Variants in ADGRA3 observed in about 807,000 individuals in gnomAD.
The protein encoded by ADGRA3 is adhesion G protein-coupled receptor A3, also known as G-protein coupled receptor 125.
Under a neutral mutation model 119.8 loss-of-function variants are expected in ADGRA3, and 56 were observed. That is an observed-to-expected ratio of 0.47 (90% CI 0.38 to 0.58). The LOEUF is 0.58. ADGRA3 is among the 20% of genes least tolerant of loss of function. The probability of loss-of-function intolerance (pLI) is 0.00; values close to 1 mark genes in which losing one functional copy is unlikely to be tolerated. For missense variants in ADGRA3, 1,516 were observed against 1,649.0 expected, an observed-to-expected ratio of 0.92 and a Z score of 1.40; for synonymous variants, 607 against 623.8, an observed-to-expected ratio of 0.97 and a Z score of 0.40.
chr4:22,390,230 C>T (rs907058268), intron 17 of ADGRA3, among the ~76,000 whole-genome samples: 16 of 150,772 alleles, frequency 1.1e-4, no homozygotes, highest in African/African-American at 3.4e-4. Context: ...TCTTTCAACG[C>T]CCCCTACCCC....
At chr4:22,435,793 G>A (rs902835925) in intron 9 of ADGRA3, among the ~76,000 whole-genome samples, 1 of 152,146 alleles carries the variant, frequency 6.6e-6, no homozygotes, top group Admixed American at 6.5e-5. Context: ...AGCCTTTCCT[G>A]AGTATTCCTG....
At chr4:22,418,598 G>A (rs1715523593) in intron 12 of ADGRA3, among the ~76,000 whole-genome samples, 1 of 152,118 alleles carries the variant, frequency 6.6e-6, no homozygotes, top group Non-Finnish European at 1.5e-5. Flanking sequence ...GTACTGTGGA[G>A]AGAGAGGGAA....
At chr4:22,427,358 C>T (rs1417919437) in intron 10 of ADGRA3, among the ~76,000 whole-genome samples, 3 of 151,800 alleles carry the variant, frequency 2.0e-5, no homozygotes, top group Non-Finnish European at 2.9e-5. Flanking sequence ...CTGATGGGCA[C>T]GTCATCTTTC....
intron 14 of ADGRA3, 93 bp downstream of exon 14, chr4:22,413,089 A>AAC: frequency 2.0e-6 from 2 of 981,408 alleles, no homozygotes; most frequent in Non-Finnish European, 3.1e-6. Flanking sequence ...AAAAAAAAAA[A>AAC]AACAAAAAAC....
At chr4:22,430,555 C>T (rs1306089912) in intron 10 of ADGRA3, among the ~76,000 whole-genome samples, 1 of 151,936 alleles carries the variant, frequency 6.6e-6, no homozygotes, top group Non-Finnish European at 1.5e-5. Context: ...TTCTAAGCAG[C>T]AAAGCATTCA....
intron 10 of ADGRA3, among the ~76,000 whole-genome samples, chr4:22,433,285 G>C (rs963945541): frequency 6.6e-6 from 1 of 152,092 alleles, no homozygotes; most frequent in Non-Finnish European, 1.5e-5. Flanking sequence ...ACTAACTGAT[G>C]CACTCATGAT....
Position 22,436,496 on chromosome 4 carries a change from A to T in ADGRA3, c.1231T>A (p.Tyr411Asn). 6.2e-7 allele frequency: 1 copy of T among 1,612,894 alleles called. No individual in the cohort carries two copies. Among genetic ancestry groups the T allele is most frequent in the Non-Finnish European group, 8.5e-7 (1 of 1,179,846 alleles). ...DRGGFWADDDYSRCQYANDVT... is the reference protein window; with the variant it reads ...DRGGFWADDDNSRCQYANDVT... ...TCATTTGCATACTGACAGCGAGAAT[A>T]ATCATCATCTGCCCAAAAGCCACCT... Residue 411 changes from tyrosine (Y) to asparagine (N), a missense_variant, in exon 9 of 19, where the codon TAT (tyrosine) becomes AAT (asparagine). Physicochemically the swap from Tyr to Asn is moderately radical, Grantham distance 143 (BLOSUM62 -2). Coordinates refer to ENST00000334304, the MANE Select transcript of ADGRA3 (RefSeq NM_145290.4).
At chr4:22,470,557 C>G (rs182108407) in intron 2 of ADGRA3, among the ~76,000 whole-genome samples, 1 of 152,242 alleles carries the variant, frequency 6.6e-6, no homozygotes, top group East Asian at 1.9e-4. Flanking sequence ...AAATTCTGAC[C>G]TTGGTGTGAG....
At chr4:22,465,743 T>C (rs2109108313) in intron 2 of ADGRA3, among the ~76,000 whole-genome samples, 1 of 152,318 alleles carries the variant, frequency 6.6e-6, no homozygotes, top group African/African-American at 2.4e-5. Context: ...AGGATTTAAG[T>C]GTATCTTTCT....
Position 22,387,967 on chromosome 4 carries a change from G to A in ADGRA3, c.3704C>T (p.Pro1235Leu). 1 of 1,614,156 alleles carries A rather than the reference G, an allele frequency of 6.2e-7. No homozygotes were observed. Among genetic ancestry groups the A allele is most frequent in the South Asian group, 1.1e-5 (1 of 91,090 alleles). The change falls in exon 19 of 19, where the codon CCC (proline) becomes CTC (leucine). Residue 1235 changes from proline to leucine, a missense_variant. By Grantham distance (98) the Pro-to-Leu change is moderately conservative (BLOSUM62 -3). Around this residue, in one of 2 missense-constraint regions of ADGRA3, gnomAD observed 1,088 missense variants for 1,107.1 expected, o/e 0.98. Transcript: ENST00000334304. ...ACAAGCATCGCTGCTGTCTTGCTGGGGTGGGTTGTACTGTCTCTCTCTGTA... is the reference window on the plus strand; with the variant it reads ...ACAAGCATCGCTGCTGTCTTGCTGGAGTGGGTTGTACTGTCTCTCTCTGTA... ...LAYRERQYNP[P>L]QQDSSDACST... is the part of the protein sequence containing the mutation.
At chr4:22,392,435 C>T (rs1714171015) in intron 17 of ADGRA3, 110 bp downstream of exon 17, 1 of 1,305,732 alleles carries the variant, frequency 7.7e-7, no homozygotes, top group Non-Finnish European at 1.1e-6. Flanking sequence ...GTCCTGCATA[C>T]AAGTCCGTTC....
intron 1 of ADGRA3, among the ~76,000 whole-genome samples, chr4:22,488,731 G>A (rs962648256): frequency 6.6e-6 from 1 of 152,136 alleles, no homozygotes; most frequent in Non-Finnish European, 1.5e-5. Context: ...AACCTAAGAA[G>A]ATTCAATAAC....
At position 22,402,695 on chromosome 4, in the gene ADGRA3, G is replaced by A. The variant is rs1432616923; in HGVS notation, c.2337C>T (p.Val779=). 1 of 1,613,646 alleles carries A rather than the reference G, an allele frequency of 6.2e-7. No homozygotes were observed. Among genetic ancestry groups the A allele is most frequent in the Non-Finnish European group, 8.5e-7 (1 of 1,179,738 alleles). ...ILLLCLLAVI[V]SYIYHHSLIR... is the part of the protein sequence containing the mutation. ...CTTACCTGTGATGGTATATGTAACT[G>A]ACAATGACGGCTAAGAGACATAAGA... is the stretch of plus-strand genomic sequence containing the variant. Residue 779 remains valine (V), a synonymous_variant, in exon 15 of 19, where the codon GTC becomes GTT. Coordinates refer to ENST00000334304, the MANE Select transcript of ADGRA3 (RefSeq NM_145290.4).
At chr4:22,499,297 T>C (rs935151058) in intron 1 of ADGRA3, among the ~76,000 whole-genome samples, 1 of 152,226 alleles carries the variant, frequency 6.6e-6, no homozygotes, top group African/African-American at 2.4e-5. Flanking sequence ...CATAGAACTT[T>C]AGCAGTTAAA....
At chr4:22,499,404 T>C (rs971190071) in intron 1 of ADGRA3, among the ~76,000 whole-genome samples, 6 of 152,208 alleles carry the variant, frequency 3.9e-5, no homozygotes, top group African/African-American at 1.4e-4. Context: ...ACGATTCTAC[T>C]TGGCAGCAAA....
At chr4:22,463,198 G>A (rs554329669) in intron 2 of ADGRA3, among the ~76,000 whole-genome samples, 4 of 152,276 alleles carry the variant, frequency 2.6e-5, no homozygotes, top group Admixed American at 1.3e-4. Context: ...ATACAGCCAC[G>A]TGTAAGCTTC....
chr4:22,450,028 T>C (rs1373919931), intron 4 of ADGRA3, among the ~76,000 whole-genome samples: 1 of 152,174 alleles, frequency 6.6e-6, no homozygotes, highest in Non-Finnish European at 1.5e-5. Flanking sequence ...TTGCCATTTG[T>C]ATGGCTGAAC....
intron 2 of ADGRA3, 133 bp from the exon 3 acceptor site, chr4:22,461,941 A>G: frequency 2.0e-6 from 1 of 504,518 alleles, no homozygotes; most frequent in Admixed American, 3.8e-5. Context: ...AAAAGGGTTA[A>G]GCCAAGATCA....
chr4:22,488,109 C>A (rs1241737429), intron 1 of ADGRA3, among the ~76,000 whole-genome samples: 2 of 152,122 alleles, frequency 1.3e-5, no homozygotes, highest in African/African-American at 4.8e-5. Context: ...CTGTTTAGAG[C>A]AGGGGTCAGC....
Sources: allele counts gnomAD v4.1 joint callset (sites outside exome capture counted in the v4.1 genomes callset), GRCh38; gene constraint gnomAD v4.1.1; regional missense constraint gnomAD v4.1.1; transcripts MANE v1.5; gene names NCBI Gene and HGNC (gene_info 2026-07-23, HGNC 2026-07-21).